Variants in NSG2 observed in about 807,000 individuals in gnomAD.
The protein encoded by NSG2 is neuronal vesicle trafficking associated 2, also known as neuronal vesicle trafficking-associated protein 2.
Under a neutral mutation model 16.9 loss-of-function variants are expected in NSG2, and 4 were observed. That is an observed-to-expected ratio of 0.24 (90% CI 0.12 to 0.54). The LOEUF is 0.54. Ranked by LOEUF, NSG2 falls within the 20% of genes least tolerant of loss-of-function variation. The probability of loss-of-function intolerance (pLI) is 0.95; values close to 1 mark genes in which losing one functional copy is unlikely to be tolerated. For synonymous variants in NSG2, 98 were observed against 88.7 expected (o/e 1.11, Z -0.59); for missense variants, 179 against 221.1 (o/e 0.81, Z 1.21).
chr5:174,064,268 CAGA>C lies in NSG2; in HGVS notation c.171_173del (p.Lys57del), dbSNP rs1310102442. On this transcript the variant is annotated inframe_deletion, in exon 3 of 5. Transcript: ENST00000303177. ...GACAAGAACGGAATATCAGCCGGAA[CAGA>C]AGAACAAAGGGAAGTTCCGGGTGCC... is the stretch of plus-strand genomic sequence containing the variant. 6.2e-7 allele frequency: 1 copy of C among 1,611,928 alleles called. No homozygotes were observed. The highest frequency in any genetic ancestry group is 8.5e-7 in the Non-Finnish European group (1 of 1,178,642).
intron 3 of NSG2, among the ~76,000 whole-genome samples, chr5:174,099,215 G>C (rs1260706515): frequency 2.0e-5 from 3 of 152,092 alleles, no homozygotes; most frequent in African/African-American, 7.2e-5. Flanking sequence ...TCTCGCCCTG[G>C]AACCAAACCA....
intron 2 of NSG2, among the ~76,000 whole-genome samples, chr5:174,058,767 C>T (rs1339273729): frequency 1.3e-5 from 2 of 152,204 alleles, no homozygotes; most frequent in South Asian, 2.1e-4. Context: ...AGGCCAAGAC[C>T]TTTTGAAATG....
intron 2 of NSG2, chr5:174,056,412 A>T (rs1447959664): frequency 2.0e-5 from 3 of 152,236 alleles, no homozygotes; most frequent in African/African-American, 7.2e-5. Flanking sequence ...AGAGTATGGT[A>T]TTCTTGAGTT....
chr5:174,076,499 T>C (rs1342343458), intron 3 of NSG2, among the ~76,000 whole-genome samples: 2 of 152,056 alleles, frequency 1.3e-5, no homozygotes, highest in African/African-American at 4.8e-5. Context: ...CTAATGAAAC[T>C]GACTTGAATG....
At chr5:174,097,639 G>A (rs562184028) in intron 3 of NSG2, among the ~76,000 whole-genome samples, 220 of 150,146 alleles carry the variant, frequency 1.5e-3, no homozygotes, top group Non-Finnish European at 2.1e-3. Flanking sequence ...CTCTGTGTGT[G>A]TGTTTCTCTC....
At chr5:174,052,647 G>T (rs1263503211) in intron 2 of NSG2, among the ~76,000 whole-genome samples, 1 of 152,186 alleles carries the variant, frequency 6.6e-6, no homozygotes, top group Non-Finnish European at 1.5e-5. Context: ...TGCTGCCTTT[G>T]GTTCATCTAA....
chr5:174,068,211 T>C (rs1359935744), intron 3 of NSG2, among the ~76,000 whole-genome samples: 2 of 152,080 alleles, frequency 1.3e-5, no homozygotes, highest in Non-Finnish European at 2.9e-5. Context: ...AAAATTAACC[T>C]GGAGAAAGCA....
chr5:174,066,903 T>A (rs1760149320), intron 3 of NSG2, among the ~76,000 whole-genome samples: 1 of 135,456 alleles, frequency 7.4e-6, no homozygotes, highest in Admixed American at 8.5e-5. Flanking sequence ...GGCAGGAGAA[T>A]GGCGTGAACC....
chr5:174,096,655 C>T (rs898250297), intron 3 of NSG2, among the ~76,000 whole-genome samples: 8 of 151,958 alleles, frequency 5.3e-5, no homozygotes, highest in African/African-American at 9.7e-5. Flanking sequence ...GGCCCAGGAG[C>T]AGTGAGGCTG....
intron 3 of NSG2, among the ~76,000 whole-genome samples, chr5:174,088,163 C>T (rs1760663231): frequency 6.6e-6 from 1 of 152,208 alleles, no homozygotes; most frequent in African/African-American, 2.4e-5. Flanking sequence ...GACAGGTGAG[C>T]TCCATAATCT....
At chr5:174,098,930 G>A (rs1760855886) in intron 3 of NSG2, among the ~76,000 whole-genome samples, 1 of 152,192 alleles carries the variant, frequency 6.6e-6, no homozygotes, top group Non-Finnish European at 1.5e-5. Context: ...TTCAAGAAGT[G>A]AAACCAAGGG....
At position 174,107,482 on chromosome 5, in the gene NSG2, C is replaced by G; in HGVS notation, c.493C>G (p.Pro165Ala). 2 of 1,609,562 alleles carry G rather than the reference C, an allele frequency of 1.2e-6. No individual in the cohort carries two copies. The highest frequency in any genetic ancestry group is 1.7e-6 in the Non-Finnish European group (2 of 1,176,730). Residue 165 changes from proline to alanine, a missense_variant, in exon 5 of 5, where the codon CCG (proline) becomes GCG (alanine). By Grantham distance (27) the Pro-to-Ala change is conservative (BLOSUM62 -1). Transcript: ENST00000303177. The surrounding 1 kb of genome is among the most constrained non-coding windows in gnomAD (Gnocchi z 4.5). ...AGCCGCTGTCATCCATGAGCCCAAG[C>G]CGCCCAAGACCCAGGGCCACTAGAG... ...SAAAVIHEPKPPKTQGH is the reference protein window; with the variant it reads ...SAAAVIHEPKAPKTQGH
At chr5:174,071,835 G>T (rs536748664) in intron 3 of NSG2, among the ~76,000 whole-genome samples, 2 of 152,302 alleles carry the variant, frequency 1.3e-5, no homozygotes, top group South Asian at 4.1e-4. Context: ...GGTCAGGGAA[G>T]GTTGCTCAAA....
chr5:174,067,073 A>T (rs957141600), intron 3 of NSG2, among the ~76,000 whole-genome samples: 1 of 147,702 alleles, frequency 6.8e-6, no homozygotes, highest in Non-Finnish European at 1.5e-5. Flanking sequence ...GAGAATGTTG[A>T]GTGAGTAAAA....
intron 2 of NSG2, among the ~76,000 whole-genome samples, chr5:174,051,324 T>C (rs1486274810): frequency 1.3e-5 from 2 of 152,096 alleles, no homozygotes; most frequent in South Asian, 2.1e-4. Context: ...CCTAGAGTCT[T>C]GCATACTCCC....
chr5:174,095,216 G>A (rs937074870), intron 3 of NSG2, among the ~76,000 whole-genome samples: 2 of 152,154 alleles, frequency 1.3e-5, no homozygotes, highest in Non-Finnish European at 2.9e-5. Context: ...AGAGGAGTCC[G>A]CATTTGTAGC....
intron 2 of NSG2, 24 bp downstream of exon 2, chr5:174,046,908 A>T (rs372628170): frequency 1.9e-6 from 3 of 1,611,502 alleles, no homozygotes; most frequent in Non-Finnish European, 1.7e-6. Flanking sequence ...TCTTGCTCTC[A>T]TCAGCCCCCA....
chr5:174,060,533 A>G (rs1443063565), intron 2 of NSG2, among the ~76,000 whole-genome samples: 1 of 152,188 alleles, frequency 6.6e-6, no homozygotes, highest in African/African-American at 2.4e-5. Context: ...CTAGTTTTCA[A>G]TTGCTGTGTG....
At chr5:174,098,601 A>G (rs1295033692) in intron 3 of NSG2, among the ~76,000 whole-genome samples, 1 of 152,078 alleles carries the variant, frequency 6.6e-6, no homozygotes, top group African/African-American at 2.4e-5. Context: ...CACCCCGTCA[A>G]AGGGCCCCCC....
Sources: gnomAD v4.1 joint callset for allele counts (sites outside exome capture counted in the v4.1 genomes callset) on GRCh38, gnomAD v4.1.1 for gene constraint, Gnocchi (gnomAD v3.1) non-coding constraint, MANE v1.5 for transcripts, NCBI Gene and HGNC (gene_info 2026-07-23, HGNC 2026-07-21) for gene names.